BRAF: variants seen among roughly 807,000 people sequenced by gnomAD.
BRAF encodes serine/threonine-protein kinase B-raf.
In BRAF, 16 loss-of-function variants were observed where a neutral mutation model predicts 104.6. That is an observed-to-expected ratio of 0.15 (90% CI 0.10 to 0.23). The LOEUF is 0.23. BRAF is among the 10% of genes least tolerant of loss of function. The pLI is 1.00. For missense variants in BRAF, 541 were observed against 937.3 expected, an observed-to-expected ratio of 0.58 and a Z score of 5.52; for synonymous variants, 310 against 341.6, an observed-to-expected ratio of 0.91 and a Z score of 1.02.
At chr7:140,839,690 A>G (rs1302794625) in intron 2 of BRAF, among the ~76,000 whole-genome samples, 1 of 152,164 alleles carries the variant, frequency 6.6e-6, no homozygotes, top group Non-Finnish European at 1.5e-5. Flanking sequence ...AGATCATGCC[A>G]CTACACTCCA....
chr7:140,802,150 C>T (rs1355850098), intron 5 of BRAF, among the ~76,000 whole-genome samples: 4 of 152,116 alleles, frequency 2.6e-5, no homozygotes, highest in Non-Finnish European at 5.9e-5. Flanking sequence ...TCATGTGTCA[C>T]ATAATGACAC....
At chr7:140,842,392 G>A (rs1808059565) in intron 2 of BRAF, among the ~76,000 whole-genome samples, 1 of 152,172 alleles carries the variant, frequency 6.6e-6, no homozygotes, top group African/African-American at 2.4e-5. Flanking sequence ...CTGATACATA[G>A]TAAATACTCA....
rs1798016859 is a variant in BRAF, at chr7:140,754,189, T to C, written c.1859A>G (p.Asn620Ser). The C allele has an allele frequency of 6.2e-7, 1 of 1,613,384 alleles. No homozygotes were observed. The highest frequency in any genetic ancestry group is 1.1e-5 in the South Asian group (1 of 91,052). Residue 620 changes from asparagine to serine, a missense_variant and splice_region_variant, in exon 15 of 20, where the codon AAT becomes AGT. Physicochemically the swap from Asn to Ser is conservative, Grantham distance 46. Transcript: ENST00000644969. ...KSIIHRDLKS[N>S]NIFLHEDLTV... is the part of the protein sequence containing the mutation. ...CAGACAAATTTCAGGAAGGATACTATTACTCTTGAGGTCTCTGTGGATGAT... is the reference window on the plus strand; with the variant it reads ...CAGACAAATTTCAGGAAGGATACTACTACTCTTGAGGTCTCTGTGGATGAT...
chr7:140,805,273 T>G (rs1180560601), intron 5 of BRAF, among the ~76,000 whole-genome samples: 4 of 152,220 alleles, frequency 2.6e-5, no homozygotes, highest in Non-Finnish European at 4.4e-5. Flanking sequence ...ATGTATCACT[T>G]TCTAGGGGAT....
chr7:140,760,064 G>A lies in BRAF; in HGVS notation c.1815-5831C>T, dbSNP rs1303780787. Among the ~76,000 whole-genome samples the A allele has an allele frequency of 5.4e-4, 82 of 152,186 alleles. 2 individuals are homozygous for A. The highest frequency in any genetic ancestry group is 5.4e-3 in the Admixed American group (82 of 15,268). Reference sequence around the variant, plus strand: ...ACAGGTCAAATAAACTGTGGACTGAGAATTTTACTGCTGGATCTAGCAACA... The same window carrying A: ...ACAGGTCAAATAAACTGTGGACTGAAAATTTTACTGCTGGATCTAGCAACA... On this transcript the variant is annotated intron_variant, in intron 14 of 19. Transcript: ENST00000644969.
Position 140,766,001 on chromosome 7 carries a change from G to A in BRAF, c.1814+10911C>T, listed in dbSNP as rs557372469. Among the ~76,000 whole-genome samples, 15 of 149,836 alleles carry A rather than the reference G, an allele frequency of 1.0e-4. No individual in the cohort carries two copies. The East Asian group carries it at 2.1e-3, about 21-fold the overall frequency. On this transcript the variant is annotated intron_variant, in intron 14 of 19. Coordinates refer to ENST00000644969, the MANE Select transcript of BRAF (RefSeq NM_001374258.1). Reference sequence around the variant, plus strand: ...TGCTGCTATAAAGACACATGCACACGTATGTTTATTGCGGCACTATTCACA... The same window carrying A: ...TGCTGCTATAAAGACACATGCACACATATGTTTATTGCGGCACTATTCACA...
At chr7:140,853,749 C>T (rs557664163) in intron 1 of BRAF, among the ~76,000 whole-genome samples, 1 of 152,298 alleles carries the variant, frequency 6.6e-6, no homozygotes, top group South Asian at 2.1e-4. Context: ...GGCACAGAAT[C>T]AGCTTCTATG....
At chr7:140,876,001 T>C (rs1168508448) in intron 1 of BRAF, among the ~76,000 whole-genome samples, 1 of 152,136 alleles carries the variant, frequency 6.6e-6, no homozygotes, top group Non-Finnish European at 1.5e-5. Context: ...GAAGAGTAGG[T>C]TGAGGAGTAA....
intron 1 of BRAF, among the ~76,000 whole-genome samples, chr7:140,897,212 T>C (rs545291005): frequency 5.6e-4 from 85 of 151,990 alleles, no homozygotes; most frequent in Non-Finnish European, 9.6e-4. Context: ...TATAAAGTAG[T>C]AATGTGGACA....
chr7:140,747,238 T>C (rs1208635875), intron 17 of BRAF: 1 of 262,584 alleles, frequency 3.8e-6, no homozygotes, highest in Non-Finnish European at 6.6e-6. Context: ...AGAATGGGGG[T>C]AGTTGTAAGA....
chr7:140,848,862 A>G, intron 2 of BRAF, among the ~76,000 whole-genome samples: 1 of 152,246 alleles, frequency 6.6e-6, no homozygotes, highest in East Asian at 1.9e-4. Context: ...AGGAGAAAGA[A>G]AACAGCATAT....
chr7:140,907,904 G>A (rs1310487647), intron 1 of BRAF, among the ~76,000 whole-genome samples: 2 of 152,012 alleles, frequency 1.3e-5, no homozygotes, highest in Admixed American at 6.6e-5. Context: ...CTCACCACAC[G>A]TGGCTAATCT....
intron 5 of BRAF, among the ~76,000 whole-genome samples, chr7:140,804,951 C>T (rs1332734077): frequency 6.6e-6 from 1 of 152,002 alleles, no homozygotes; most frequent in Non-Finnish European, 1.5e-5. Flanking sequence ...TATTGGTGCA[C>T]ACCACCATGC....
At chr7:140,880,249 C>T (rs2129102692) in intron 1 of BRAF, among the ~76,000 whole-genome samples, 1 of 152,334 alleles carries the variant, frequency 6.6e-6, no homozygotes, top group Admixed American at 6.5e-5. Flanking sequence ...TCAGTGTTCA[C>T]AGCATCTTCA....
Position 140,724,584 on chromosome 7 carries a change from C to A in BRAF, c.*1910G>T. 1 of 1,040,342 alleles carries A rather than the reference C, an allele frequency of 9.6e-7. No individual in the cohort carries two copies. Among genetic ancestry groups the A allele is most frequent in the Non-Finnish European group, 1.2e-6 (1 of 863,410 alleles). The allele number at this position is 1,040,342 out of a possible 1,614,324, so 64.4% of individuals were successfully genotyped here. On this transcript the variant is annotated 3_prime_UTR_variant, in exon 20 of 20. Transcript: ENST00000644969. ...TCCATTTTACTAGGACAACCTTTTA[C>A]AAGACAATGAAAATTTCAATAGGCT...
At chr7:140,905,582 T>C (rs1165044267) in intron 1 of BRAF, among the ~76,000 whole-genome samples, 2 of 152,188 alleles carry the variant, frequency 1.3e-5, no homozygotes, top group Non-Finnish European at 2.9e-5. Flanking sequence ...AGTGTAACAA[T>C]CTTTGGCTTT....
At chr7:140,860,940 A>C (rs1357283073) in intron 1 of BRAF, among the ~76,000 whole-genome samples, 1 of 152,226 alleles carries the variant, frequency 6.6e-6, no homozygotes, top group Non-Finnish European at 1.5e-5. Flanking sequence ...AGAGAGAAAA[A>C]ATGGCAAACT....
intron 1 of BRAF, among the ~76,000 whole-genome samples, chr7:140,871,230 A>T (rs1450206360): frequency 8.2e-6 from 1 of 122,248 alleles, no homozygotes; most frequent in Non-Finnish European, 1.6e-5. Flanking sequence ...ACAGAGCAAG[A>T]CTCCGTCTCA....
At chr7:140,846,236 T>C (rs529327666) in intron 2 of BRAF, among the ~76,000 whole-genome samples, 3 of 152,292 alleles carry the variant, frequency 2.0e-5, no homozygotes, top group Admixed American at 6.5e-5. Context: ...AGCCAAAACG[T>C]AGAAGCAACC....
Sources: gnomAD v4.1 joint callset for allele counts (sites outside exome capture counted in the v4.1 genomes callset) on GRCh38, gnomAD v4.1.1 for gene constraint, MANE v1.5 for transcripts, NCBI Gene and HGNC (gene_info 2026-07-23, HGNC 2026-07-21) for gene names.